The following CMC1 variants were observed in gnomAD, a reference collection of about 807,000 sequenced individuals.
CMC1 encodes COX assembly mitochondrial protein homolog.
CMC1 carries 14 observed loss-of-function variants against 14.1 expected under a neutral mutation model. The ratio of observed to expected loss-of-function variants is 0.99; its 90% confidence interval spans 0.66 to 1.55. CMC1 has a LOEUF of 1.55. Among genes scored for constraint, CMC1 ranks in the 40% most tolerant of loss-of-function variants. The pLI, the probability that CMC1 is intolerant of heterozygous loss-of-function variation, is 0.00. For missense variants in CMC1, 127 were observed against 123.8 expected (o/e 1.03, Z -0.12); for synonymous variants, 50 against 38.4 (o/e 1.30, Z -1.12).
chr3:28,277,292 A>G (rs1026457401), intron 2 of CMC1, among the ~76,000 whole-genome samples: 1 of 152,214 alleles, frequency 6.6e-6, no homozygotes, highest in Non-Finnish European at 1.5e-5. Flanking sequence ...TACTGTTTGC[A>G]TATATTTTAG....
In CMC1 at chr3:28,241,751, C is replaced by T. The variant is rs925727843; in HGVS notation, c.-43C>T. On this transcript the variant is annotated 5_prime_UTR_variant, in exon 1 of 4. Transcript: ENST00000466830. The stretch of plus-strand genomic sequence containing the variant: ...TCCCCTCCACTCCCCTTCCTGCGTG[C>T]CCCGGAGCCGCCAAGCGGCTACGTT... 1.4e-5 allele frequency: 17 copies of T among 1,241,728 alleles called. No individual in the cohort carries two copies. The highest frequency in any genetic ancestry group is 1.4e-5 in the Non-Finnish European group (14 of 988,082). The allele number at this position is 1,241,728 out of a possible 1,614,324, so 76.9% of individuals were successfully genotyped here. A position where few individuals can be genotyped will look rare whatever the true frequency, so the allele number is the denominator to read the frequency against.
chr3:28,279,355 A>G (rs1700749732), intron 2 of CMC1, among the ~76,000 whole-genome samples: 1 of 152,198 alleles, frequency 6.6e-6, no homozygotes, highest in Non-Finnish European at 1.5e-5. Flanking sequence ...TGAAAAAGAA[A>G]AAAATTATTC....
At chr3:28,298,598 T>G (rs1285641215) in intron 2 of CMC1, among the ~76,000 whole-genome samples, 1 of 151,708 alleles carries the variant, frequency 6.6e-6, no homozygotes, top group Non-Finnish European at 1.5e-5. Flanking sequence ...TTTTTTAAAA[T>G]TTGAACATTT....
At chr3:28,275,341 C>CTTTTTT (rs71087681) in intron 2 of CMC1, among the ~76,000 whole-genome samples, 1 of 101,066 alleles carries the variant, frequency 9.9e-6, no homozygotes, top group Non-Finnish European at 2.0e-5. Flanking sequence ...TTTTTTTTTT[C>CTTTTTT]TTTTTTTTTT....
chr3:28,291,427 A>G (rs1701464686), intron 2 of CMC1, among the ~76,000 whole-genome samples: 1 of 152,018 alleles, frequency 6.6e-6, no homozygotes. Flanking sequence ...TTTCATTTGA[A>G]TTTTAGCTGT....
At chr3:28,268,025 A>C (rs1308074826) in intron 2 of CMC1, among the ~76,000 whole-genome samples, 1 of 152,216 alleles carries the variant, frequency 6.6e-6, no homozygotes, top group African/African-American at 2.4e-5. Context: ...ACACATCTTG[A>C]GACTGGTTTT....
intron 2 of CMC1, among the ~76,000 whole-genome samples, chr3:28,293,736 C>G (rs982271170): frequency 2.0e-5 from 3 of 152,042 alleles, no homozygotes; most frequent in East Asian, 1.9e-4. Context: ...TATCCACCAC[C>G]ATGCCTGGCG....
chr3:28,266,930 T>C (rs1700032301), intron 2 of CMC1, among the ~76,000 whole-genome samples: 1 of 152,206 alleles, frequency 6.6e-6, no homozygotes, highest in Non-Finnish European at 1.5e-5. Context: ...GGAATGGAAC[T>C]GAAGGAAAAC....
intron 1 of CMC1, chr3:28,253,621 C>A: frequency 1.4e-5 from 7 of 489,382 alleles, no homozygotes; most frequent in South Asian, 2.0e-5. Context: ...CCAAAAAACT[C>A]CCCCCAAAAA....
chr3:28,253,575 T>C (rs1699245749), intron 1 of CMC1, among the ~76,000 whole-genome samples: 1 of 151,978 alleles, frequency 6.6e-6, no homozygotes, highest in Non-Finnish European at 1.5e-5. Flanking sequence ...AATAGTATTC[T>C]GTCTCAAAAA....
rs767944724 is a variant in CMC1 at position 28,274,562 on chromosome 3, C to T, written c.109+11182C>T. Among the ~76,000 whole-genome samples the T allele has an allele frequency of 5.3e-5, 8 of 152,160 alleles. 1 individual carries two copies. In the South Asian group the frequency reaches 1.0e-3, roughly 20 times the overall value. On this transcript the variant is annotated intron_variant, in intron 2 of 3. Coordinates refer to ENST00000466830, the MANE Select transcript of CMC1 (RefSeq NM_182523.2). ...TCGTAATATTTTTCCTTCCTTTCAA[C>T]CTTGGAGAATCTGATGATTATGCAC...
intron 2 of CMC1, among the ~76,000 whole-genome samples, chr3:28,292,319 G>T (rs776961674): frequency 2.6e-5 from 4 of 152,026 alleles, no homozygotes; most frequent in Non-Finnish European, 5.9e-5. Flanking sequence ...ATATCTTGCA[G>T]TTTTACCCAA....
At chr3:28,312,517 T>C (rs1205740041) in intron 2 of CMC1, among the ~76,000 whole-genome samples, 1 of 152,240 alleles carries the variant, frequency 6.6e-6, no homozygotes, top group African/African-American at 2.4e-5. Context: ...CTATTTCTAG[T>C]TCAATGCACA....
In CMC1 at chr3:28,319,683, A is replaced by C; in HGVS notation, c.*54A>C. On this transcript the variant is annotated 3_prime_UTR_variant, in exon 4 of 4. Transcript: ENST00000466830. ...CTAATATTCATGGAAGTCATTTTAT[A>C]GTCCTTAAATAATGGACTCAAGCAT... is the stretch of plus-strand genomic sequence containing the variant. The C allele has an allele frequency of 6.8e-7, 1 of 1,479,112 alleles. No individual in the cohort carries two copies. Among genetic ancestry groups the C allele is most frequent in the South Asian group, 1.3e-5 (1 of 77,358 alleles). The allele number at this position is 1,479,112 out of a possible 1,614,324, so 91.6% of individuals were successfully genotyped here.
chr3:28,313,789 C>G (rs1702757396), intron 2 of CMC1, among the ~76,000 whole-genome samples: 1 of 152,170 alleles, frequency 6.6e-6, no homozygotes, highest in Non-Finnish European at 1.5e-5. Context: ...CAAAACAAGT[C>G]TTAATGCAAT....
At chr3:28,297,457 G>C (rs1269331203) in intron 2 of CMC1, among the ~76,000 whole-genome samples, 1 of 152,012 alleles carries the variant, frequency 6.6e-6, no homozygotes, top group African/African-American at 2.4e-5. Context: ...TCTGTCCTAG[G>C]TTCTACAATG....
intron 2 of CMC1, among the ~76,000 whole-genome samples, chr3:28,266,699 A>G (rs1055663179): frequency 6.6e-6 from 1 of 152,068 alleles, no homozygotes; most frequent in East Asian, 1.9e-4. Flanking sequence ...TTGAACTTTG[A>G]TTTGATTACA....
At chr3:28,287,084 G>A (rs1010138029) in intron 2 of CMC1, among the ~76,000 whole-genome samples, 1 of 151,894 alleles carries the variant, frequency 6.6e-6, no homozygotes, top group African/African-American at 2.4e-5. Context: ...ACCAATTCTC[G>A]GATTCTTCCT....
intron 2 of CMC1, chr3:28,291,703 C>T (rs1369321762): frequency 6.6e-6 from 1 of 152,028 alleles, no homozygotes; most frequent in Non-Finnish European, 1.5e-5. Flanking sequence ...CTTCTGCCAC[C>T]TTTTTCTGAT....
Sources: allele counts gnomAD v4.1 joint callset (sites outside exome capture counted in the v4.1 genomes callset), GRCh38; gene constraint gnomAD v4.1.1; transcripts MANE v1.5; gene names NCBI Gene and HGNC (gene_info 2026-07-23, HGNC 2026-07-21).